Variants in CD302 observed in about 807,000 individuals in gnomAD.
The protein encoded by CD302 is CD302 antigen.
In CD302, 23 loss-of-function variants were observed where a neutral mutation model predicts 26.5. That is an observed-to-expected ratio of 0.87 (90% CI 0.62 to 1.23). The LOEUF (loss-of-function observed/expected upper bound fraction) is 1.23. Ranked by LOEUF, CD302 falls within the 50% of genes most tolerant of loss-of-function variation. The probability of loss-of-function intolerance (pLI) is 0.00; values close to 1 mark genes in which losing one functional copy is unlikely to be tolerated. For synonymous variants in CD302, 90 were observed against 99.4 expected, an observed-to-expected ratio of 0.91 and a Z score of 0.56; for missense variants, 290 against 275.5, an observed-to-expected ratio of 1.05 and a Z score of -0.37.
rs2125804095 is a variant in CD302, at chr2:159,782,641, C to T, written c.178+718G>A. Reference sequence around the variant, plus strand: ...TCAGGGGGCTGACATGGGAGGATCACTTGAACCCAGGAGTTCAAGGCTGTA... The same window carrying T: ...TCAGGGGGCTGACATGGGAGGATCATTTGAACCCAGGAGTTCAAGGCTGTA... On this transcript the variant is annotated intron_variant, in intron 2 of 5. Transcript: ENST00000259053. 2.0e-5 allele frequency among the ~76,000 whole-genome samples: 3 copies of T among 151,050 alleles called. No homozygotes were observed. The South Asian group carries it at 6.3e-4, about 32-fold the overall frequency.
rs1028356437 is a variant in CD302 at position 159,771,655 on chromosome 2, C to A, written c.*196G>T. Reference sequence around the variant, plus strand: ...GATGCTTAAAATCACTATATTAGATCTAAGATCATTTCTAAAACCTGTTTT... The same window carrying A: ...GATGCTTAAAATCACTATATTAGATATAAGATCATTTCTAAAACCTGTTTT... On this transcript the variant is annotated 3_prime_UTR_variant, in exon 6 of 6. Transcript: ENST00000259053. 2 of 604,638 alleles carry A rather than the reference C, an allele frequency of 3.3e-6. No homozygotes were observed. The highest frequency in any genetic ancestry group is 3.3e-5 in the Admixed American group (1 of 30,192). 37.5% of individuals were successfully genotyped at this position (604,638 alleles called of 1,614,324 possible).
intron 1 of CD302, among the ~76,000 whole-genome samples, chr2:159,788,036 G>A (rs1162807885): frequency 6.6e-6 from 1 of 152,020 alleles, no homozygotes; most frequent in Non-Finnish European, 1.5e-5. Context: ...GAACCCAGGA[G>A]GCGGAGGTTG....
intron 1 of CD302, among the ~76,000 whole-genome samples, chr2:159,784,972 C>T (rs1453350742): frequency 7.2e-5 from 8 of 111,706 alleles, no homozygotes; most frequent in Non-Finnish European, 1.3e-4. Flanking sequence ...TCCGTACAGA[C>T]TTTTTTTTTT....
intron 1 of CD302, among the ~76,000 whole-genome samples, chr2:159,788,105 CA>C (rs11314559): frequency 0.46 from 63,817 of 138,098 alleles, 13,979 homozygotes; most frequent in Admixed American, 0.59. Flanking sequence ...GACTCCGTCT[CA>C]AAAAAAAAAA....
chr2:159,775,296 T>C (rs1271370229), intron 5 of CD302, among the ~76,000 whole-genome samples: 1 of 152,264 alleles, frequency 6.6e-6, no homozygotes, highest in Non-Finnish European at 1.5e-5. Flanking sequence ...TACATGCACA[T>C]ATATACATGC....
rs56163054 is a variant in CD302 at position 159,786,332 on chromosome 2, C to CT, written c.68-2864dup. ...CCTTCTTGAAGCATGTTGTCTTTTT[C>CT]TTTTTTTTTTTTTTTTTTTGAGACA... On this transcript the variant is annotated intron_variant, in intron 1 of 5. Transcript: ENST00000259053. Among the ~76,000 whole-genome samples, 455 of 112,662 alleles carry CT rather than the reference C, an allele frequency of 4.0e-3. 12 individuals are homozygous for CT. The East Asian group carries it at 0.057, about 14-fold the overall frequency. The allele number at this position is 112,662 out of a possible 152,430, so 73.9% of individuals were successfully genotyped here. A position where few individuals can be genotyped will look rare whatever the true frequency, so the allele number is the denominator to read the frequency against.
intron 1 of CD302, among the ~76,000 whole-genome samples, chr2:159,794,962 C>A (rs1369685464): frequency 6.6e-6 from 1 of 151,814 alleles, no homozygotes; most frequent in Non-Finnish European, 1.5e-5. Context: ...CGGTGGCTCA[C>A]ACCTGTAATC....
At chr2:159,774,244 A>T (rs1285061643) in intron 5 of CD302, among the ~76,000 whole-genome samples, 1 of 152,090 alleles carries the variant, frequency 6.6e-6, no homozygotes, top group African/African-American at 2.4e-5. Flanking sequence ...ATAGATAAAT[A>T]TGTGTGTGTA....
At chr2:159,789,213 G>C (rs973529116) in intron 1 of CD302, among the ~76,000 whole-genome samples, 1 of 151,730 alleles carries the variant, frequency 6.6e-6, no homozygotes, top group Admixed American at 6.6e-5. Flanking sequence ...TATTGCCCAG[G>C]CTGGTCTTGA....
intron 5 of CD302, among the ~76,000 whole-genome samples, chr2:159,775,711 A>T (rs1423953188): frequency 1.3e-5 from 2 of 152,138 alleles, no homozygotes; most frequent in Non-Finnish European, 2.9e-5. Flanking sequence ...GTGCTACATC[A>T]CCACCATCCA....
At chr2:159,797,552 G>A (rs1189645370) in intron 1 of CD302, among the ~76,000 whole-genome samples, 1 of 152,224 alleles carries the variant, frequency 6.6e-6, no homozygotes, top group East Asian at 1.9e-4. Context: ...TGATTTCAGT[G>A]AAATCCAAGC....
At chr2:159,777,014 T>C (rs1222515386) in intron 5 of CD302, among the ~76,000 whole-genome samples, 5 of 151,746 alleles carry the variant, frequency 3.3e-5, no homozygotes, top group Non-Finnish European at 7.4e-5. Context: ...CTCAGCACTT[T>C]GGGAGGCTGA....
chr2:159,787,070 T>C (rs1321972041), intron 1 of CD302, among the ~76,000 whole-genome samples: 1 of 152,248 alleles, frequency 6.6e-6, no homozygotes, highest in African/African-American at 2.4e-5. Context: ...CTTCTGTTGA[T>C]GAATATTTGG....
Position 159,769,299 on chromosome 2 carries a change from C to T in CD302, c.*2552G>A, listed in dbSNP as rs1708056351. 6.6e-6 allele frequency: 1 copy of T among 152,174 alleles called. No individual in the cohort carries two copies. The highest frequency in any genetic ancestry group is 6.5e-5 in the Admixed American group (1 of 15,274). 9.4% of individuals were successfully genotyped at this position (152,174 alleles called of 1,614,324 possible). A position where few individuals can be genotyped will look rare whatever the true frequency, so the allele number is the denominator to read the frequency against. On this transcript the variant is annotated 3_prime_UTR_variant, in exon 6 of 6. Coordinates refer to ENST00000259053, the MANE Select transcript of CD302 (RefSeq NM_014880.5). ...GCCTGCCTGTGTAATCCAATTATCT[C>T]TTCACTAATGAGTAGATAAGGTGCC...
At chr2:159,789,003 T>C (rs1000026673) in intron 1 of CD302, among the ~76,000 whole-genome samples, 1 of 148,096 alleles carries the variant, frequency 6.8e-6, no homozygotes, top group East Asian at 2.0e-4. Context: ...GTAACTTAAC[T>C]GGGGTAAGGG....
intron 1 of CD302, among the ~76,000 whole-genome samples, chr2:159,790,079 C>T (rs1426094681): frequency 6.6e-6 from 1 of 152,212 alleles, no homozygotes. Context: ...GTTGGTCACC[C>T]ATCTACCCAT....
At chr2:159,792,249 G>A (rs879935256) in intron 1 of CD302, among the ~76,000 whole-genome samples, 2 of 152,150 alleles carry the variant, frequency 1.3e-5, no homozygotes, top group Admixed American at 6.5e-5. Context: ...GTGCTTGAGG[G>A]TCCTTATGAC....
At chr2:159,783,571 A>G in intron 1 of CD302, 102 bp from the exon 2 acceptor site, 1 of 781,496 alleles carries the variant, frequency 1.3e-6, no homozygotes, top group Non-Finnish European at 1.9e-6. Flanking sequence ...ACACACACAC[A>G]AAGGCAATTT....
chr2:159,790,829 T>A (rs1708787202), intron 1 of CD302, among the ~76,000 whole-genome samples: 1 of 152,184 alleles, frequency 6.6e-6, no homozygotes, highest in African/African-American at 2.4e-5. Flanking sequence ...TTTCTACTTA[T>A]AACAAATAAC....
Sources: allele counts gnomAD v4.1 joint callset (sites outside exome capture counted in the v4.1 genomes callset), GRCh38; gene constraint gnomAD v4.1.1; transcripts MANE v1.5; gene names NCBI Gene and HGNC (gene_info 2026-07-23, HGNC 2026-07-21).